TCF7L1: variants seen among roughly 807,000 people sequenced by gnomAD.
TCF7L1 encodes the protein transcription factor 7 like 1.
Under a neutral mutation model 63.7 loss-of-function variants are expected in TCF7L1, and 18 were observed. The observed-to-expected ratio is 0.28, with a 90% confidence interval of 0.20 to 0.42. The LOEUF (loss-of-function observed/expected upper bound fraction) is 0.42, where lower values mean the gene tolerates loss of function less well. Among genes scored for constraint, TCF7L1 ranks in the 10% least tolerant of loss-of-function variants. The pLI is 1.00. For missense variants in TCF7L1, 654 were observed against 779.3 expected (o/e 0.84, Z 1.91); for synonymous variants, 355 against 340.9 (o/e 1.04, Z -0.46).
chr2:85,289,908 A>T (rs1379920277), intron 4 of TCF7L1, among the ~76,000 whole-genome samples: 1 of 151,556 alleles, frequency 6.6e-6, no homozygotes, highest in Non-Finnish European at 1.5e-5. Flanking sequence ...TCCTGGCCTC[A>T]CGGGATCCGC....
intron 4 of TCF7L1, among the ~76,000 whole-genome samples, chr2:85,296,570 G>A (rs1411575567): frequency 6.6e-6 from 1 of 152,200 alleles, no homozygotes; most frequent in African/African-American, 2.4e-5. Context: ...TTTGTAGGGA[G>A]AGGCTCCAAG....
chr2:85,227,456 CAAGTAAGAATATT>C lies in TCF7L1; in HGVS notation c.442-56035_442-56023del, dbSNP rs377115770. Among the ~76,000 whole-genome samples the C allele has an allele frequency of 4.6e-3, 681 of 147,706 alleles. 2 individuals are homozygous for C. Among genetic ancestry groups the C allele is most frequent in the African/African-American group, 0.016 (649 of 39,798 alleles). On this transcript the variant is annotated intron_variant, in intron 3 of 11. Transcript: ENST00000282111. Reference sequence around the variant, plus strand: ...ACCCCCTCTTTTTTTTTTTTTTAACCAAGTAAGAATATTAAGAGAAACAACGATCCTAATTTCA... The same window carrying C: ...ACCCCCTCTTTTTTTTTTTTTTAACCAAGAGAAACAACGATCCTAATTTCA...
At chr2:85,177,573 C>T (rs902024364) in intron 3 of TCF7L1, among the ~76,000 whole-genome samples, 1 of 151,992 alleles carries the variant, frequency 6.6e-6, no homozygotes, top group African/African-American at 2.4e-5. Flanking sequence ...GGTGTGGTGG[C>T]GCATGCCTGT....
At chr2:85,270,625 G>A (rs1013472505) in intron 3 of TCF7L1, among the ~76,000 whole-genome samples, 4 of 152,138 alleles carry the variant, frequency 2.6e-5, no homozygotes, top group African/African-American at 7.2e-5. Flanking sequence ...CCACAAGCAC[G>A]GAGGGATGGG....
At chr2:85,256,677 T>TA (rs1680726822) in intron 3 of TCF7L1, among the ~76,000 whole-genome samples, 1 of 152,232 alleles carries the variant, frequency 6.6e-6, no homozygotes, top group Admixed American at 6.5e-5. Context: ...CATCTTGATC[T>TA]AGGCTGGTGG....
chr2:85,169,468 C>G (rs1413870892), intron 3 of TCF7L1, among the ~76,000 whole-genome samples: 1 of 151,822 alleles, frequency 6.6e-6, no homozygotes, highest in Non-Finnish European at 1.5e-5. Context: ...TCAAGTGATC[C>G]TCCCACCTCA....
Position 85,309,116 on chromosome 2 carries a change from G to A in TCF7L1, c.1421G>A (p.Ser474Asn), listed in dbSNP as rs1411790967. The A allele has an allele frequency of 6.2e-7, 1 of 1,609,856 alleles. No homozygotes were observed. Among genetic ancestry groups the A allele is most frequent in the Non-Finnish European group, 8.5e-7 (1 of 1,178,384 alleles). The change falls in exon 12 of 12, where the codon AGC becomes AAC. Residue 474 changes from serine (S) to asparagine (N), a missense_variant. Transcript: ENST00000282111. ...PCDSPASSHGSMLDSPATPSA... is the reference protein window; with the variant it reads ...PCDSPASSHGNMLDSPATPSA... ...GACAGCCCTGCCTCCTCCCACGGGA[G>A]CATGCTGGACTCCCCGGCCACTCCC...
chr2:85,238,995 T>A (rs956126941), intron 3 of TCF7L1, among the ~76,000 whole-genome samples: 1 of 151,972 alleles, frequency 6.6e-6, no homozygotes, highest in Non-Finnish European at 1.5e-5. Context: ...CTAATTTTTG[T>A]ATTTTTAGTA....
intron 3 of TCF7L1, among the ~76,000 whole-genome samples, chr2:85,194,670 A>G (rs74556212): frequency 0.012 from 1,834 of 152,242 alleles, 23 homozygotes; most frequent in Admixed American, 0.023. Flanking sequence ...CCCAGGGTAA[A>G]TAGCTGGTGT....
intron 3 of TCF7L1, among the ~76,000 whole-genome samples, chr2:85,260,245 C>T (rs1188576633): frequency 6.6e-6 from 1 of 152,080 alleles, no homozygotes; most frequent in East Asian, 1.9e-4. Context: ...TCTGGGTGCC[C>T]TTCTCTATTT....
At chr2:85,143,760 G>A (rs1325896145) in intron 3 of TCF7L1, among the ~76,000 whole-genome samples, 3 of 152,220 alleles carry the variant, frequency 2.0e-5, no homozygotes, top group Non-Finnish European at 4.4e-5. Context: ...TCCCAGTTCA[G>A]AAATCCTGGT....
chr2:85,203,970 C>T (rs886299694), intron 3 of TCF7L1, among the ~76,000 whole-genome samples: 7 of 151,950 alleles, frequency 4.6e-5, no homozygotes, highest in African/African-American at 9.7e-5. Context: ...CAGGGAGGGG[C>T]GGTTTGGAAG....
chr2:85,221,208 C>G (rs1472190876), intron 3 of TCF7L1, among the ~76,000 whole-genome samples: 3 of 152,170 alleles, frequency 2.0e-5, no homozygotes, highest in African/African-American at 7.2e-5. Context: ...CAACACTGGT[C>G]TCCTTTGGAG....
intron 3 of TCF7L1, among the ~76,000 whole-genome samples, chr2:85,257,258 T>C (rs1191391148): frequency 2.0e-5 from 3 of 152,106 alleles, no homozygotes; most frequent in African/African-American, 7.2e-5. Context: ...CTTGCTTATG[T>C]ATACATATTA....
chr2:85,260,946 T>C (rs1412168256), intron 3 of TCF7L1, among the ~76,000 whole-genome samples: 2 of 152,112 alleles, frequency 1.3e-5, no homozygotes, highest in Non-Finnish European at 2.9e-5. Flanking sequence ...GAGAATTTGC[T>C]CTCCCTCAGT....
chr2:85,282,402 G>A (rs1347218950), intron 3 of TCF7L1, among the ~76,000 whole-genome samples: 1 of 152,270 alleles, frequency 6.6e-6, no homozygotes, highest in Non-Finnish European at 1.5e-5. Flanking sequence ...TTGCCCAGAA[G>A]CAACCTGTCA....
intron 3 of TCF7L1, among the ~76,000 whole-genome samples, chr2:85,227,387 G>A (rs925772147): frequency 8.6e-5 from 13 of 150,894 alleles, no homozygotes; most frequent in Non-Finnish European, 4.4e-5. Context: ...TGGACCATTC[G>A]AATTTCAGAA....
chr2:85,235,120 C>T (rs989514668), intron 3 of TCF7L1, among the ~76,000 whole-genome samples: 1 of 152,076 alleles, frequency 6.6e-6, no homozygotes, highest in Non-Finnish European at 1.5e-5. Context: ...TCCATGGAAA[C>T]CAGAGCTTAC....
At chr2:85,232,265 C>G (rs546621901) in intron 3 of TCF7L1, among the ~76,000 whole-genome samples, 1 of 152,276 alleles carries the variant, frequency 6.6e-6, no homozygotes, top group African/African-American at 2.4e-5. Context: ...TATTTTAAGT[C>G]TCTCTCAGGA....
Sources: gnomAD v4.1 joint callset for allele counts (sites outside exome capture counted in the v4.1 genomes callset) on GRCh38, gnomAD v4.1.1 for gene constraint, MANE v1.5 for transcripts, NCBI Gene and HGNC (gene_info 2026-07-23, HGNC 2026-07-21) for gene names.